Variants in KRTAP4-16 observed in about 807,000 individuals in gnomAD.
The protein encoded by KRTAP4-16 is keratin-associated protein 4-16.
For missense variants in KRTAP4-16, 378 were observed against 233.5 expected, an observed-to-expected ratio of 1.62 and a Z score of -4.03; for synonymous variants, 140 against 88.8, an observed-to-expected ratio of 1.58 and a Z score of -3.24.
chr17:41,101,631 G>T, exon 1 of KRTAP4-16: 2 of 508,960 alleles, frequency 3.9e-6, no homozygotes, highest in Non-Finnish European at 7.0e-6. Flanking sequence ...CTGGGGAGAG[G>T]AGGGGAGGGG....
Position 41,101,735 on chromosome 17 carries a change from A to T in KRTAP4-16, c.475T>A (p.Cys159Ser), listed in dbSNP as rs1379553553. The change falls in exon 1 of 1, where the codon TGT becomes AGT. Residue 159 changes from cysteine (C) to serine (S), a missense_variant. Transcript: ENST00000440582. ...GGGAGGGGAAGGGGAGGGGAGGCAC[A>T]GCACAAGGGGTGGGGGCAGGTGGAG... 3.1e-6 allele frequency: 4 copies of T among 1,292,666 alleles called. No individual in the cohort carries two copies. In the East Asian group the frequency reaches 1.2e-4, roughly 38 times the overall value. 80.1% of individuals were successfully genotyped at this position (1,292,666 alleles called of 1,614,324 possible).
chr17:41,101,646 G>A, exon 1 of KRTAP4-16: 1 of 525,178 alleles, frequency 1.9e-6, no homozygotes, highest in Non-Finnish European at 3.4e-6. Flanking sequence ...GAGGGGAAGG[G>A]CGGGGAGGGG....
chr17:41,101,934 C>T (rs1391884328), exon 1 of KRTAP4-16: 20 of 1,603,756 alleles, frequency 1.2e-5, no homozygotes, highest in Non-Finnish European at 1.6e-5. Flanking sequence ...AATGGCAGCA[C>T]TGGGGTCTGC....
chr17:41,101,709 G>GGGGTGGGGAAGGGAAGGGAAT (rs2013986547), exon 1 of KRTAP4-16: 1 of 997,218 alleles, frequency 1.0e-6, no homozygotes, highest in African/African-American at 1.9e-5. Flanking sequence ...GGGAAGGGAA[G>GGGGTGGGGAAGGGAAGGGAAT]GGGAGGGGAA....
chr17:41,101,836 C>A (rs1487068156), exon 1 of KRTAP4-16: 2 of 1,595,786 alleles, frequency 1.3e-6, no homozygotes, highest in Non-Finnish European at 1.7e-6. Context: ...GCAGCAGGGG[C>A]AGCAGCAGCT....
the KRTAP4-16 span, chr17:41,101,702 A>AAGGGAGGGGAAGGGGGGGGGAAGGGG: frequency 1.5e-6 from 1 of 686,142 alleles, no homozygotes; most frequent in Admixed American, 2.9e-5. Flanking sequence ...ACGGGTGGGG[A>AAGGGAGGGGAAGGGGGGGGGAAGGGG]AGGGAAGGGG....
rs762480551 is a variant in KRTAP4-16, at chr17:41,101,731, G to C, written c.479C>G (p.Ala160Gly). ...GAAGGGGAGGGGAAGGGGAGGGGAG[G>C]CACAGCACAAGGGGTGGGGGCAGGT... Residue 160 changes from alanine (A) to glycine (G), a missense_variant, in exon 1 of 1, where the codon GCC (alanine) becomes GGC (glycine). By Grantham distance (60) the Ala-to-Gly change is moderately conservative (BLOSUM62 0). Transcript: ENST00000440582. The C allele has an allele frequency of 5.6e-6, 7 of 1,243,672 alleles. No individual in the cohort carries two copies. In the Admixed American group the frequency reaches 8.7e-5, roughly 15 times the overall value. 77.0% of individuals were successfully genotyped at this position (1,243,672 alleles called of 1,614,324 possible).
Position 41,101,762 on chromosome 17 carries a change from T to C in KRTAP4-16, c.448A>G (p.Ile150Val), listed in dbSNP as rs1463646139. The change falls in exon 1 of 1, where the codon ATC (isoleucine) becomes GTC (valine). Residue 150 changes from isoleucine to valine, a missense_variant. Ile to Val is a conservative substitution (Grantham distance 29). Coordinates refer to ENST00000440582, the Ensembl canonical transcript of KRTAP4-16. Reference sequence around the variant, plus strand: ...CACAAGGGGTGGGGGCAGGTGGAGATGACACAGGTTGGGTGATAGCAAGTG... The same window carrying C: ...CACAAGGGGTGGGGGCAGGTGGAGACGACACAGGTTGGGTGATAGCAAGTG... 1.3e-5 allele frequency: 19 copies of C among 1,491,902 alleles called. 1 individual carries two copies. The highest frequency in any genetic ancestry group is 1.7e-5 in the Non-Finnish European group (19 of 1,095,606). 92.4% of individuals were successfully genotyped at this position (1,491,902 alleles called of 1,614,324 possible).
At chr17:41,102,188 A>T in exon 1 of KRTAP4-16, 1 of 1,295,006 alleles carries the variant, frequency 7.7e-7, no homozygotes, top group Non-Finnish European at 1.1e-6. Context: ...CTGGGGCTGC[A>T]TGGCATCTTT....
chr17:41,101,612 G>T (rs2143879171), exon 1 of KRTAP4-16: 1 of 429,130 alleles, frequency 2.3e-6, no homozygotes, highest in Non-Finnish European at 4.1e-6. Flanking sequence ...GAAGGGGAGG[G>T]GATTAACACT....
At chr17:41,101,883 G>A (rs1567961906) in exon 1 of KRTAP4-16, 3 of 1,609,982 alleles carry the variant, frequency 1.9e-6, no homozygotes, top group South Asian at 2.2e-5. Context: ...TGCTGGAGAT[G>A]CAGCAGCTGG....
At chr17:41,101,804 G>C (rs773555834) in exon 1 of KRTAP4-16, 2 of 1,571,566 alleles carry the variant, frequency 1.3e-6, no homozygotes, top group African/African-American at 2.7e-5. Context: ...CAGGAGACTC[G>C]ACCACAGACT....
At chr17:41,101,955 C>G (rs565647891) in exon 1 of KRTAP4-16, 1 of 1,603,818 alleles carries the variant, frequency 6.2e-7, no homozygotes, top group South Asian at 1.1e-5. Context: ...AGCAGCTGGA[C>G]ACACAGCAGC....
At chr17:41,101,752 C>G (rs772831098) in exon 1 of KRTAP4-16, 10 of 1,437,216 alleles carry the variant, frequency 7.0e-6, no homozygotes, top group Non-Finnish European at 8.6e-6. Flanking sequence ...GGGGTGGGGG[C>G]AGGTGGAGAT....
At chr17:41,101,698 G>GGGGAAGGGAGGGGAAGGGGCGGGGAA in the KRTAP4-16 span, 1 of 824,766 alleles carries the variant, frequency 1.2e-6, no homozygotes, top group African/African-American at 2.4e-5. Context: ...GGGAACGGGT[G>GGGGAAGGGAGGGGAAGGGGCGGGGAA]GGGAAGGGAA....
exon 1 of KRTAP4-16, chr17:41,102,094 C>G (rs2143881579): frequency 3.1e-6 from 5 of 1,587,856 alleles, no homozygotes; most frequent in East Asian, 2.3e-5. Context: ...GCTGTGGGAG[C>G]AGGAGGTGGT....
chr17:41,102,178 C>A (rs1176505299), exon 1 of KRTAP4-16: 2 of 1,367,336 alleles, frequency 1.5e-6, no homozygotes, highest in Non-Finnish European at 2.1e-6. Flanking sequence ...ACTGGAAGCA[C>A]TGGGGCTGCA....
chr17:41,101,629 A>AGGAGGGGAGGGGAAGGGCGGGGAGG, the KRTAP4-16 span: 3 of 343,658 alleles, frequency 8.7e-6, no homozygotes, highest in Admixed American at 3.8e-5. Context: ...CACTGGGGAG[A>AGGAGGGGAGGGGAAGGGCGGGGAGG]GGAGGGGAGG....
At chr17:41,101,921 C>T (rs538685455) in exon 1 of KRTAP4-16, 46 of 1,610,488 alleles carry the variant, frequency 2.9e-5, no homozygotes, top group East Asian at 4.5e-5. Flanking sequence ...TGGAAGCACA[C>T]GGAATGGCAG....
Sources: gnomAD v4.1 joint callset for allele counts on GRCh38, gnomAD v4.1.1 for gene constraint, MANE v1.5 for transcripts, NCBI Gene and HGNC (gene_info 2026-07-23, HGNC 2026-07-21) for gene names.